Variants in EGFLAM observed in about 807,000 individuals in gnomAD.
The protein encoded by EGFLAM is EGF like, fibronectin type III and laminin G domains, also known as pikachurin.
Under a neutral mutation model 113.1 loss-of-function variants are expected in EGFLAM, and 79 were observed. The observed-to-expected ratio is 0.70, with a 90% CI of 0.58 to 0.84. EGFLAM has a LOEUF of 0.84. Among genes scored for constraint, EGFLAM ranks in the 40% least tolerant of loss-of-function variants. The probability of loss-of-function intolerance (pLI) is 0.00; values close to 1 mark genes in which losing one functional copy is unlikely to be tolerated. For missense variants in EGFLAM, 1,265 were observed against 1,291.6 expected (o/e 0.98, Z 0.32); for synonymous variants, 504 against 487.6 (o/e 1.03, Z -0.44).
At chr5:38,325,277 C>A (rs936174242) in intron 1 of EGFLAM, among the ~76,000 whole-genome samples, 7 of 152,184 alleles carry the variant, frequency 4.6e-5, no homozygotes, top group Non-Finnish European at 1.0e-4. Context: ...ACCTCAGTTT[C>A]TTCATCTGTA....
chr5:38,373,062 A>G (rs571284891), intron 6 of EGFLAM, among the ~76,000 whole-genome samples: 1 of 152,352 alleles, frequency 6.6e-6, no homozygotes, highest in African/African-American at 2.4e-5. Context: ...TTCAAATAAT[A>G]CAAAATACTT....
intron 11 of EGFLAM, among the ~76,000 whole-genome samples, chr5:38,415,223 C>T (rs974886099): frequency 5.9e-5 from 9 of 151,668 alleles, no homozygotes; most frequent in African/African-American, 1.7e-4. Context: ...ATTAGCCAGG[C>T]GTGGTGGTGG....
chr5:38,388,651 T>C (rs1024136760), intron 6 of EGFLAM, among the ~76,000 whole-genome samples: 4 of 151,408 alleles, frequency 2.6e-5, no homozygotes, highest in African/African-American at 9.7e-5. Flanking sequence ...TCCCAGCTAC[T>C]TGGGAGTCTG....
At chr5:38,378,585 C>G in intron 6 of EGFLAM, among the ~76,000 whole-genome samples, 1 of 152,228 alleles carries the variant, frequency 6.6e-6, no homozygotes, top group East Asian at 1.9e-4. Flanking sequence ...CTTATTAGCA[C>G]TCTCTAGCAG....
chr5:38,272,432 G>A (rs764403984), intron 1 of EGFLAM, among the ~76,000 whole-genome samples: 1 of 152,168 alleles, frequency 6.6e-6, no homozygotes, highest in Non-Finnish European at 1.5e-5. Context: ...AGGTATGATT[G>A]AAAAGGTCAA....
intron 5 of EGFLAM, among the ~76,000 whole-genome samples, chr5:38,361,908 A>T (rs372719832): frequency 3.0e-5 from 3 of 98,972 alleles, no homozygotes; most frequent in African/African-American, 8.6e-5. Flanking sequence ...AGGATTTTTG[A>T]TTTTTTTTTT....
At chr5:38,411,565 C>G (rs1741481215) in intron 10 of EGFLAM, among the ~76,000 whole-genome samples, 1 of 148,902 alleles carries the variant, frequency 6.7e-6, no homozygotes, top group East Asian at 2.0e-4. Context: ...TCACTTCAAC[C>G]TCCACCTCCT....
At chr5:38,262,789 C>A (rs919111777) in intron 1 of EGFLAM, among the ~76,000 whole-genome samples, 6 of 152,170 alleles carry the variant, frequency 3.9e-5, no homozygotes, top group Non-Finnish European at 8.8e-5. Flanking sequence ...TTCCTAGACA[C>A]GTGCACGTAG....
At chr5:38,463,050 G>T in intron 21 of EGFLAM, 39 bp downstream of exon 21, 1 of 1,584,758 alleles carries the variant, frequency 6.3e-7, no homozygotes, top group South Asian at 1.1e-5. Context: ...AATTAGGCCA[G>T]TGCTTTTCTT....
At chr5:38,361,263 G>C (rs1405850044) in intron 5 of EGFLAM, among the ~76,000 whole-genome samples, 2 of 152,094 alleles carry the variant, frequency 1.3e-5, no homozygotes, top group African/African-American at 4.8e-5. Context: ...CTCTTTAAGT[G>C]TCACTTCCTC....
chr5:38,259,948 T>C (rs1305996724), intron 1 of EGFLAM, among the ~76,000 whole-genome samples: 2 of 152,236 alleles, frequency 1.3e-5, no homozygotes, highest in African/African-American at 4.8e-5. Flanking sequence ...TCTGGAAATA[T>C]GACTTGTTGC....
Position 38,458,403 on chromosome 5 carries a change from C to T in EGFLAM, c.2771+9C>T, listed in dbSNP as rs769979204. ...CGAGTTAAGGCCGTTAGGTGAGTCC[C>T]TCCCGCAGCATGAGGCAGAGCCAGA... On this transcript the variant is annotated intron_variant, in intron 20 of 21. Transcript: ENST00000322350. 1 of 1,613,332 alleles carries T rather than the reference C, an allele frequency of 6.2e-7. No homozygotes were observed. The highest frequency in any genetic ancestry group is 1.7e-5 in the Admixed American group (1 of 59,904).
At chr5:38,351,166 T>G (rs1739613258) in intron 4 of EGFLAM, among the ~76,000 whole-genome samples, 1 of 149,910 alleles carries the variant, frequency 6.7e-6, no homozygotes, top group South Asian at 2.1e-4. Flanking sequence ...TGGAGTGTAG[T>G]GGCGCGACCT....
At chr5:38,307,339 G>T (rs1235930978) in intron 1 of EGFLAM, among the ~76,000 whole-genome samples, 5 of 152,204 alleles carry the variant, frequency 3.3e-5, no homozygotes, top group Admixed American at 6.5e-5. Context: ...GGGACCCAGT[G>T]GGAGGGAATT....
intron 20 of EGFLAM, 59 bp from the exon 21 acceptor site, chr5:38,462,849 A>G: frequency 6.4e-7 from 1 of 1,567,432 alleles, no homozygotes; most frequent in South Asian, 1.1e-5. Context: ...TGAATGAATG[A>G]TTGAATGAAC....
intron 1 of EGFLAM, among the ~76,000 whole-genome samples, chr5:38,327,472 C>T (rs1464916804): frequency 6.6e-6 from 1 of 152,152 alleles, no homozygotes; most frequent in Non-Finnish European, 1.5e-5. Context: ...TATCAATTAG[C>T]TTTCTTCTCT....
intron 1 of EGFLAM, among the ~76,000 whole-genome samples, chr5:38,331,935 G>A (rs1248081103): frequency 2.0e-5 from 3 of 152,158 alleles, no homozygotes; most frequent in Non-Finnish European, 2.9e-5. Context: ...ACTCCTTTGG[G>A]TAAATACTAA....
chr5:38,350,277 A>G (rs1229738705), intron 3 of EGFLAM, among the ~76,000 whole-genome samples: 1 of 152,206 alleles, frequency 6.6e-6, no homozygotes, highest in Non-Finnish European at 1.5e-5. Flanking sequence ...TTCTAGGACC[A>G]TGGATAGATT....
At chr5:38,278,423 C>A (rs1253752903) in intron 1 of EGFLAM, among the ~76,000 whole-genome samples, 5 of 151,910 alleles carry the variant, frequency 3.3e-5, no homozygotes, top group Non-Finnish European at 2.9e-5. Context: ...AAATCTAAGA[C>A]CCAAAACTAT....
Sources: gnomAD v4.1 joint callset for allele counts (sites outside exome capture counted in the v4.1 genomes callset) on GRCh38, gnomAD v4.1.1 for gene constraint, MANE v1.5 for transcripts, NCBI Gene and HGNC (gene_info 2026-07-23, HGNC 2026-07-21) for gene names.